Variants in PDE10A observed in about 807,000 individuals in gnomAD.
PDE10A encodes the protein phosphodiesterase 10A, also known as cAMP and cAMP-inhibited cGMP 3',5'-cyclic phosphodiesterase 10A.
PDE10A carries 39 observed loss-of-function variants against 97.7 expected under a neutral mutation model. That is an observed-to-expected ratio of 0.40 (90% CI 0.31 to 0.52). PDE10A has a LOEUF of 0.52. Among genes scored for constraint, PDE10A ranks in the 20% least tolerant of loss-of-function variants. The pLI, the probability that PDE10A is intolerant of heterozygous loss-of-function variation, is 0.56. For missense variants in PDE10A, 731 were observed against 1,047.8 expected (o/e 0.70, Z 4.17); for synonymous variants, 371 against 376.8 (o/e 0.98, Z 0.18).
chr6:165,737,562 A>T (rs895135409), intron 1 of PDE10A, among the ~76,000 whole-genome samples: 1 of 152,250 alleles, frequency 6.6e-6, no homozygotes, highest in Non-Finnish European at 1.5e-5. Flanking sequence ...TGGTCATCTC[A>T]GTAGATGCAA....
At chr6:165,464,236 T>C (rs149595106) in intron 3 of PDE10A, among the ~76,000 whole-genome samples, 233 of 152,254 alleles carry the variant, frequency 1.5e-3, no homozygotes, top group Admixed American at 1.5e-3. Flanking sequence ...AAGCTGATAA[T>C]TGTCATTCTG....
Position 165,388,488 on chromosome 6 carries a change from A to G in PDE10A, c.2455-35T>C. On this transcript the variant is annotated intron_variant, in intron 16 of 21. Coordinates refer to ENST00000539869, the MANE Select transcript of PDE10A (RefSeq NM_001385079.1). The surrounding 1 kb of genome is among the most constrained non-coding windows in gnomAD (Gnocchi z 4.0). ...ATAATATGATGCAGAGATGCTCAAA[A>G]CACAGAAACACACATGAGCAGACTT... The G allele has an allele frequency of 6.3e-6, 10 of 1,592,798 alleles. No homozygotes were observed. Among genetic ancestry groups the G allele is most frequent in the Non-Finnish European group, 8.6e-6 (10 of 1,162,364 alleles).
intron 1 of PDE10A, among the ~76,000 whole-genome samples, chr6:165,558,464 G>T (rs545591016): frequency 1.6e-4 from 24 of 152,114 alleles, no homozygotes; most frequent in African/African-American, 5.5e-4. Flanking sequence ...TGGGGTTGGG[G>T]GACGGGGGAG....
At chr6:165,896,513 G>A (rs1017122241) in intron 1 of PDE10A, among the ~76,000 whole-genome samples, 3 of 137,750 alleles carry the variant, frequency 2.2e-5, no homozygotes, top group South Asian at 4.9e-4. Context: ...ACCACAACAC[G>A]CCAGCTAATT....
chr6:165,610,384 A>C (rs2128400825), intron 1 of PDE10A, among the ~76,000 whole-genome samples: 1 of 152,220 alleles, frequency 6.6e-6, no homozygotes. Context: ...ACAAAAAACT[A>C]GCTGGGCATG....
intron 2 of PDE10A, among the ~76,000 whole-genome samples, chr6:165,485,885 C>T (rs943620026): frequency 3.2e-4 from 48 of 152,320 alleles, no homozygotes; most frequent in Admixed American, 2.2e-3. Flanking sequence ...TGAGCTACCG[C>T]GCCCGGCGGA....
At chr6:165,615,992 A>G (rs1787709395) in intron 1 of PDE10A, among the ~76,000 whole-genome samples, 1 of 152,186 alleles carries the variant, frequency 6.6e-6, no homozygotes, top group Admixed American at 6.5e-5. Context: ...CTGATTTTTT[A>G]CCCACAAATT....
intron 2 of PDE10A, among the ~76,000 whole-genome samples, chr6:165,510,320 G>A (rs1472191572): frequency 6.6e-6 from 1 of 151,884 alleles, no homozygotes; most frequent in Admixed American, 6.6e-5. Context: ...TTCAACTGAT[G>A]TATCATGTAT....
intron 2 of PDE10A, among the ~76,000 whole-genome samples, chr6:165,519,680 A>G (rs1413622534): frequency 6.6e-6 from 1 of 152,162 alleles, no homozygotes; most frequent in Non-Finnish European, 1.5e-5. Context: ...AAACAGAACA[A>G]ACTCACCCCC....
intron 2 of PDE10A, among the ~76,000 whole-genome samples, chr6:165,491,702 A>G (rs1583397819): frequency 6.6e-6 from 1 of 152,192 alleles, no homozygotes; most frequent in African/African-American, 2.4e-5. Flanking sequence ...TCTAGGATAC[A>G]GCAAAAGTGG....
chr6:165,352,568 A>G (rs1782758281), intron 18 of PDE10A, among the ~76,000 whole-genome samples: 1 of 152,186 alleles, frequency 6.6e-6, no homozygotes, highest in African/African-American at 2.4e-5. Context: ...GATATTTACC[A>G]AGCTCATAAA....
chr6:165,885,549 G>A lies in PDE10A; in HGVS notation c.-615+101980C>T, dbSNP rs1781606799. Reference sequence around the variant, plus strand: ...AAACCATATCAGTGGGTGAGGATGAGGTGGGAACGGCAGCAAAGTGAAGCT... The same window carrying A: ...AAACCATATCAGTGGGTGAGGATGAAGTGGGAACGGCAGCAAAGTGAAGCT... On this transcript the variant is annotated intron_variant, in intron 1 of 19. Transcript: ENST00000366882. 2.6e-5 allele frequency among the ~76,000 whole-genome samples: 4 copies of A among 152,214 alleles called. No homozygotes were observed. The South Asian group carries it at 8.3e-4, about 32-fold the overall frequency.
At chr6:165,697,305 C>G (rs1369507098) in intron 1 of PDE10A, among the ~76,000 whole-genome samples, 2 of 152,144 alleles carry the variant, frequency 1.3e-5, no homozygotes, top group Admixed American at 6.5e-5. Context: ...GAACAGCTGA[C>G]TTCCCAGCAG....
intron 1 of PDE10A, among the ~76,000 whole-genome samples, chr6:165,959,353 G>A (rs990383150): frequency 4.6e-5 from 7 of 152,154 alleles, no homozygotes; most frequent in South Asian, 4.1e-4. Context: ...AAGAAGAGAG[G>A]TCACTGCAAA....
intron 1 of PDE10A, among the ~76,000 whole-genome samples, chr6:165,621,592 C>T (rs907717887): frequency 1.3e-5 from 2 of 152,016 alleles, no homozygotes; most frequent in Admixed American, 6.6e-5. Context: ...CCCATCTCTG[C>T]TAAGAATACA....
At chr6:165,883,379 C>A (rs1781540159) in intron 1 of PDE10A, among the ~76,000 whole-genome samples, 2 of 151,838 alleles carry the variant, frequency 1.3e-5, no homozygotes, top group African/African-American at 4.8e-5. Flanking sequence ...CTTGTCTCTA[C>A]CAAGAATACA....
intron 1 of PDE10A, among the ~76,000 whole-genome samples, chr6:165,669,321 C>A (rs1790583185): frequency 6.6e-6 from 1 of 152,154 alleles, no homozygotes. Flanking sequence ...AGCAGCATAT[C>A]TTCCATAATC....
intron 1 of PDE10A, among the ~76,000 whole-genome samples, chr6:165,888,470 G>C (rs1583237273): frequency 6.6e-6 from 1 of 151,942 alleles, no homozygotes; most frequent in East Asian, 1.9e-4. Context: ...TATTTTAGTA[G>C]ATACAGGGTT....
chr6:165,875,600 C>G (rs9356400), intron 1 of PDE10A, among the ~76,000 whole-genome samples: 25,852 of 152,114 alleles, frequency 0.17, 2,335 homozygotes, highest in Admixed American at 0.23. Context: ...AGAACTGGCC[C>G]ATGCACTAAT....
Sources: allele counts gnomAD v4.1 joint callset (sites outside exome capture counted in the v4.1 genomes callset), GRCh38; gene constraint gnomAD v4.1.1; non-coding constraint Gnocchi (gnomAD v3.1); transcripts MANE v1.5; gene names NCBI Gene and HGNC (gene_info 2026-07-23, HGNC 2026-07-21).